Variants in LUZP2 observed in about 807,000 individuals in gnomAD.
LUZP2 encodes leucine zipper protein 2.
Under a neutral mutation model 51.6 loss-of-function variants are expected in LUZP2, and 52 were observed. The ratio of observed to expected loss-of-function variants is 1.01; its 90% CI spans 0.81 to 1.27. The LOEUF (loss-of-function observed/expected upper bound fraction) is 1.27, where lower values mean the gene tolerates loss of function less well. Among genes scored for constraint, LUZP2 ranks in the 50% most tolerant of loss-of-function variants. LUZP2 has a pLI of 0.00. For synonymous variants in LUZP2, 154 were observed against 137.3 expected, an observed-to-expected ratio of 1.12 and a Z score of -0.85; for missense variants, 436 against 395.4, an observed-to-expected ratio of 1.10 and a Z score of -0.87.
At chr11:24,989,462 GC>G (rs1265676555) in intron 9 of LUZP2, among the ~76,000 whole-genome samples, 2 of 151,982 alleles carry the variant, frequency 1.3e-5, no homozygotes, top group Admixed American at 1.3e-4. Flanking sequence ...TTGTTTAATA[GC>G]TAAAGAAGCT....
intron 1 of LUZP2, among the ~76,000 whole-genome samples, chr11:24,612,739 T>C (rs538725902): frequency 6.6e-6 from 1 of 152,274 alleles, no homozygotes; most frequent in Non-Finnish European, 1.5e-5. Context: ...CCATTTTCTT[T>C]ACATGATTAG....
intron 5 of LUZP2, among the ~76,000 whole-genome samples, chr11:24,790,924 T>C (rs1240421176): frequency 1.3e-5 from 2 of 152,220 alleles, no homozygotes; most frequent in African/African-American, 4.8e-5. Context: ...GTAAAAGTGA[T>C]CTTTTTTGTC....
At chr11:24,497,490 C>T (rs1468988858) in intron 1 of LUZP2, among the ~76,000 whole-genome samples, 185 bp downstream of exon 1, 1 of 152,212 alleles carries the variant, frequency 6.6e-6, no homozygotes, top group Non-Finnish European at 1.5e-5. Context: ...TCCTAGTTAT[C>T]CCAGCCCCCT....
intron 7 of LUZP2, among the ~76,000 whole-genome samples, chr11:24,941,205 A>G (rs1418054424): frequency 2.6e-5 from 4 of 152,124 alleles, no homozygotes; most frequent in Non-Finnish European, 4.4e-5. Context: ...ATGCTTCGTA[A>G]CTGTAACAAA....
chr11:24,662,524 G>A (rs920750441), intron 1 of LUZP2, among the ~76,000 whole-genome samples: 12 of 151,896 alleles, frequency 7.9e-5, no homozygotes, highest in African/African-American at 2.4e-4. Flanking sequence ...TATTGAAATC[G>A]AAACATCATT....
chr11:24,899,129 A>C (rs1268069554), intron 5 of LUZP2, among the ~76,000 whole-genome samples: 1 of 152,170 alleles, frequency 6.6e-6, no homozygotes, highest in Non-Finnish European at 1.5e-5. Context: ...TTCTAAACTT[A>C]TTCACTTGCA....
intron 1 of LUZP2, among the ~76,000 whole-genome samples, chr11:24,671,109 G>A (rs1041733829): frequency 3.3e-5 from 5 of 151,730 alleles, no homozygotes; most frequent in South Asian, 2.1e-4. Flanking sequence ...GGTAATTAAT[G>A]TCAATTCAAT....
At chr11:25,044,304 T>G (rs1455298350) in intron 9 of LUZP2, among the ~76,000 whole-genome samples, 1 of 141,316 alleles carries the variant, frequency 7.1e-6, no homozygotes, top group Non-Finnish European at 1.5e-5. Context: ...CTGATGCCCA[T>G]TTTATTTAAA....
At chr11:24,517,766 T>C (rs1850524341) in intron 1 of LUZP2, among the ~76,000 whole-genome samples, 1 of 152,074 alleles carries the variant, frequency 6.6e-6, no homozygotes, top group Non-Finnish European at 1.5e-5. Context: ...TATTGAAAAA[T>C]GGCATCATTT....
intron 7 of LUZP2, among the ~76,000 whole-genome samples, chr11:24,937,093 T>TAGGGTC (rs1214867786): frequency 1.3e-5 from 2 of 151,768 alleles, no homozygotes; most frequent in Non-Finnish European, 2.9e-5. Flanking sequence ...TAAGAAGCAC[T>TAGGGTC]TATCTTGGGG....
chr11:24,581,643 CCTGGGTGA>C (rs1852859096), intron 1 of LUZP2, among the ~76,000 whole-genome samples: 1 of 150,994 alleles, frequency 6.6e-6, no homozygotes, highest in African/African-American at 2.4e-5. Flanking sequence ...TGCACTCCAG[CCTGGGTGA>C]CAGAGTGAGA....
intron 9 of LUZP2, among the ~76,000 whole-genome samples, chr11:25,003,925 A>G (rs2133947183): frequency 6.6e-6 from 1 of 152,308 alleles, no homozygotes; most frequent in Non-Finnish European, 1.5e-5. Context: ...TCCCAATTAA[A>G]ACTGAGGAGG....
chr11:24,795,561 A>C (rs974987785), intron 5 of LUZP2, among the ~76,000 whole-genome samples: 1 of 152,148 alleles, frequency 6.6e-6, no homozygotes, highest in African/African-American at 2.4e-5. Flanking sequence ...TAAGAAACAA[A>C]GGCCCTGAGA....
chr11:24,616,475 A>ATGTGTGTGTG (rs61413263), intron 1 of LUZP2, among the ~76,000 whole-genome samples: 13,249 of 98,388 alleles, frequency 0.13, 683 homozygotes, highest in South Asian at 0.16. Context: ...TGGCGTGCGC[A>ATGTGTGTGTG]TGTGTGTGTG....
chr11:24,812,655 C>T (rs559962250), intron 5 of LUZP2, among the ~76,000 whole-genome samples: 3 of 152,274 alleles, frequency 2.0e-5, no homozygotes, highest in African/African-American at 7.2e-5. Context: ...TAGATTCTTC[C>T]TGTGAGTTTC....
At chr11:24,949,258 T>C (rs1271769297) in intron 7 of LUZP2, among the ~76,000 whole-genome samples, 1 of 151,494 alleles carries the variant, frequency 6.6e-6, no homozygotes, top group Non-Finnish European at 1.5e-5. Context: ...CTCTATTTCT[T>C]TCTTTCTTCC....
At chr11:24,682,306 C>T (rs907373245) in intron 1 of LUZP2, among the ~76,000 whole-genome samples, 1 of 151,870 alleles carries the variant, frequency 6.6e-6, no homozygotes, top group Admixed American at 6.6e-5. Flanking sequence ...ACCAGCCTGG[C>T]CAACATGCTG....
intron 8 of LUZP2, 91 bp downstream of exon 8, chr11:24,976,756 T>C: frequency 1.5e-6 from 1 of 667,184 alleles, no homozygotes; most frequent in Non-Finnish European, 2.3e-6. Flanking sequence ...TTGCTTTTCT[T>C]GATTTATTAA....
chr11:24,786,814 T>C (rs1286421164), intron 5 of LUZP2: 1 of 151,078 alleles, frequency 6.6e-6, no homozygotes. Context: ...ATTAAACAAT[T>C]GCCTATGTTT....
Sources: allele counts gnomAD v4.1 joint callset (sites outside exome capture counted in the v4.1 genomes callset), GRCh38; gene constraint gnomAD v4.1.1; transcripts MANE v1.5; gene names NCBI Gene and HGNC (gene_info 2026-07-23, HGNC 2026-07-21).